The following LRP1B variants were observed in gnomAD, a reference collection of about 807,000 sequenced individuals.
LRP1B encodes low-density lipoprotein receptor-related protein 1B.
LRP1B carries 217 observed loss-of-function variants against 556.6 expected under a neutral mutation model. The ratio of observed to expected loss-of-function variants is 0.39; its 90% CI spans 0.35 to 0.44. The LOEUF (loss-of-function observed/expected upper bound fraction) is 0.44, where lower values mean the gene tolerates loss of function less well. Ranked by LOEUF, LRP1B falls within the 20% of genes least tolerant of loss-of-function variation. LRP1B has a pLI of 1.00. For synonymous variants in LRP1B, 2,047 were observed against 1,865.8 expected, an observed-to-expected ratio of 1.10 and a Z score of -2.50; for missense variants, 5,053 against 5,620.8, an observed-to-expected ratio of 0.90 and a Z score of 3.23.
At chr2:140,761,928 T>C (rs1688936724) in intron 35 of LRP1B, among the ~76,000 whole-genome samples, 1 of 152,006 alleles carries the variant, frequency 6.6e-6, no homozygotes, top group African/African-American at 2.4e-5. Context: ...ATTTTTTCTC[T>C]CTTCTTCTCC....
chr2:140,278,401 A>G (rs1156617134), intron 84 of LRP1B, among the ~76,000 whole-genome samples: 1 of 152,090 alleles, frequency 6.6e-6, no homozygotes, highest in African/African-American at 2.4e-5. Context: ...TAAAAGGCAC[A>G]TAAGCAACCT....
At chr2:141,908,997 C>T (rs1046825546) in intron 1 of LRP1B, among the ~76,000 whole-genome samples, 8 of 152,014 alleles carry the variant, frequency 5.3e-5, no homozygotes, top group Non-Finnish European at 1.0e-4. Flanking sequence ...GTGTAAGAGT[C>T]GGAGTCCACC....
In LRP1B at chr2:140,621,640, C is replaced by T. The variant is rs144145009; in HGVS notation, c.6800-20001G>A. Among the ~76,000 whole-genome samples, 642 of 151,768 alleles carry T rather than the reference C, an allele frequency of 4.2e-3. 4 individuals are homozygous for T. Among genetic ancestry groups the T allele is most frequent in the African/African-American group, 0.015 (614 of 41,484 alleles). On this transcript the variant is annotated intron_variant, in intron 41 of 90. Transcript: ENST00000389484. ...ACAATATGATATTAATATACAAATA[C>T]TCACATTATTCACCTGCTACTGACA...
chr2:140,321,133 C>T (rs982885394), intron 82 of LRP1B, among the ~76,000 whole-genome samples: 1 of 151,928 alleles, frequency 6.6e-6, no homozygotes, highest in Non-Finnish European at 1.5e-5. Context: ...ATATTTTCCC[C>T]ATTATACCTA....
chr2:140,948,242 C>T (rs558654513), intron 20 of LRP1B, among the ~76,000 whole-genome samples: 56 of 152,146 alleles, frequency 3.7e-4, no homozygotes, highest in Admixed American at 3.1e-3. Context: ...AGACCACAGA[C>T]GCACACCCCA....
intron 66 of LRP1B, among the ~76,000 whole-genome samples, chr2:140,418,964 G>C (rs1379763451): frequency 6.6e-6 from 1 of 151,910 alleles, no homozygotes; most frequent in Non-Finnish European, 1.5e-5. Flanking sequence ...ATAAATCTCT[G>C]GATTTTAAAA....
At chr2:141,212,684 G>C (rs1321781720) in intron 6 of LRP1B, among the ~76,000 whole-genome samples, 1 of 151,956 alleles carries the variant, frequency 6.6e-6, no homozygotes, top group African/African-American at 2.4e-5. Context: ...AGAAAATATA[G>C]TTCTCTAGGT....
At chr2:141,121,628 T>C (rs1558874925) in intron 7 of LRP1B, among the ~76,000 whole-genome samples, 2 of 152,120 alleles carry the variant, frequency 1.3e-5, no homozygotes, top group Non-Finnish European at 2.9e-5. Flanking sequence ...GAACATTCCA[T>C]GCTCATGGGT....
chr2:140,515,099 T>C (rs1403623310), intron 50 of LRP1B, among the ~76,000 whole-genome samples: 2 of 152,048 alleles, frequency 1.3e-5, no homozygotes, highest in Non-Finnish European at 2.9e-5. Flanking sequence ...ATATAAAATA[T>C]ATATTTCTGG....
chr2:141,922,420 T>A (rs1172297339), intron 1 of LRP1B, among the ~76,000 whole-genome samples: 1 of 152,198 alleles, frequency 6.6e-6, no homozygotes. Context: ...TGCTACTGTT[T>A]ACAGTTCAGT....
chr2:141,619,132 C>T (rs1688412993), intron 2 of LRP1B, among the ~76,000 whole-genome samples: 1 of 152,094 alleles, frequency 6.6e-6, no homozygotes, highest in Non-Finnish European at 1.5e-5. Context: ...TATTTAAAAC[C>T]TTTATGCCAC....
intron 11 of LRP1B, among the ~76,000 whole-genome samples, chr2:141,039,249 T>A (rs1383123679): frequency 6.6e-6 from 1 of 152,106 alleles, no homozygotes; most frequent in East Asian, 1.9e-4. Flanking sequence ...GTGAGTACAG[T>A]ACAGTAAGGT....
intron 2 of LRP1B, among the ~76,000 whole-genome samples, chr2:141,556,354 T>C (rs1685961707): frequency 6.6e-6 from 1 of 151,958 alleles, no homozygotes; most frequent in Admixed American, 6.6e-5. Flanking sequence ...AAATCACTCA[T>C]TTTCCAGGCA....
intron 1 of LRP1B, among the ~76,000 whole-genome samples, chr2:141,902,872 T>C (rs886729804): frequency 4.6e-5 from 7 of 151,952 alleles, no homozygotes; most frequent in African/African-American, 1.7e-4. Context: ...AAGAAAAAAA[T>C]ATATTTTTAA....
intron 37 of LRP1B, among the ~76,000 whole-genome samples, chr2:140,708,911 A>T (rs1441459): frequency 1.3e-5 from 2 of 151,400 alleles, no homozygotes. Context: ...TGGTAAATCA[A>T]ATTTATTCCA....
At chr2:140,263,182 G>A (rs2104930310) in intron 86 of LRP1B, among the ~76,000 whole-genome samples, 1 of 152,194 alleles carries the variant, frequency 6.6e-6, no homozygotes, top group East Asian at 1.9e-4. Flanking sequence ...GTATCCCAAA[G>A]TGCTGGGGTT....
At chr2:140,311,843 C>T (rs1246495387) in intron 83 of LRP1B, among the ~76,000 whole-genome samples, 1 of 151,874 alleles carries the variant, frequency 6.6e-6, no homozygotes, top group Admixed American at 6.6e-5. Context: ...TGAATGTTCA[C>T]TCTTTAAGAT....
chr2:141,755,872 A>G (rs1694301464), intron 2 of LRP1B, among the ~76,000 whole-genome samples: 1 of 152,058 alleles, frequency 6.6e-6, no homozygotes, highest in Non-Finnish European at 1.5e-5. Flanking sequence ...TAATTTAACA[A>G]TCTGGGAAAT....
chr2:141,314,885 T>C (rs1340996690), intron 3 of LRP1B, among the ~76,000 whole-genome samples: 3 of 143,808 alleles, frequency 2.1e-5, no homozygotes, highest in Non-Finnish European at 3.0e-5. Flanking sequence ...CATACATATA[T>C]ACATATATAC....
Sources: gnomAD v4.1 joint callset for allele counts (sites outside exome capture counted in the v4.1 genomes callset) on GRCh38, gnomAD v4.1.1 for gene constraint, MANE v1.5 for transcripts, NCBI Gene and HGNC (gene_info 2026-07-23, HGNC 2026-07-21) for gene names.